DNAH8: variants seen among roughly 807,000 people sequenced by gnomAD.
DNAH8 encodes dynein axonemal heavy chain 8, also known as axonemal beta dynein heavy chain 8.
DNAH8 carries 382 observed loss-of-function variants against 562.1 expected under a neutral mutation model. The ratio of observed to expected loss-of-function variants is 0.68; its 90% CI spans 0.63 to 0.74. DNAH8 has a LOEUF of 0.74. Among genes scored for constraint, DNAH8 ranks in the 30% least tolerant of loss-of-function variants. DNAH8 has a pLI of 0.00. For missense variants in DNAH8, 5,203 were observed against 5,620.4 expected (o/e 0.93, Z 2.37); for synonymous variants, 1,881 against 1,919.4 (o/e 0.98, Z 0.52).
chr6:38,779,847 C>A, intron 14 of DNAH8, 119 bp from the exon 15 acceptor site: 1 of 988,092 alleles, frequency 1.0e-6, no homozygotes, highest in Non-Finnish European at 1.5e-6. Context: ...TGTCCTAGGA[C>A]AACGAATGAG....
At chr6:39,018,253 T>A (rs1424980776) in intron 91 of DNAH8, among the ~76,000 whole-genome samples, 1 of 152,220 alleles carries the variant, frequency 6.6e-6, no homozygotes, top group Non-Finnish European at 1.5e-5. Flanking sequence ...GTGTTTACCT[T>A]CCTTAGCAAC....
At chr6:38,858,914 T>C (rs1348633467) in intron 42 of DNAH8, among the ~76,000 whole-genome samples, 1 of 152,214 alleles carries the variant, frequency 6.6e-6, no homozygotes, top group African/African-American at 2.4e-5. Context: ...CTCCTAAAAC[T>C]GAAGTCCTGT....
chr6:38,890,955 G>A (rs547021689), intron 58 of DNAH8, among the ~76,000 whole-genome samples, 194 bp downstream of exon 58: 3 of 152,196 alleles, frequency 2.0e-5, no homozygotes, highest in Non-Finnish European at 4.4e-5. Flanking sequence ...GATGCTTTCC[G>A]TATGTATGAG....
intron 62 of DNAH8, among the ~76,000 whole-genome samples, chr6:38,904,284 T>C (rs1561841850): frequency 6.6e-6 from 1 of 152,082 alleles, no homozygotes; most frequent in Non-Finnish European, 1.5e-5. Flanking sequence ...GTTCTGGAGA[T>C]AGCAATATAG....
chr6:38,996,534 A>G (rs1409205735), intron 88 of DNAH8, among the ~76,000 whole-genome samples: 1 of 152,182 alleles, frequency 6.6e-6, no homozygotes, highest in African/African-American at 2.4e-5. Flanking sequence ...AGAATAAAAG[A>G]CAAGCTCTCT....
chr6:38,904,858 G>A (rs1414441186), intron 62 of DNAH8, among the ~76,000 whole-genome samples: 1 of 151,294 alleles, frequency 6.6e-6, no homozygotes, highest in Non-Finnish European at 1.5e-5. Context: ...CAACTGATAT[G>A]CATGACGACA....
chr6:38,813,527 G>A (rs1188335466), intron 24 of DNAH8, among the ~76,000 whole-genome samples: 1 of 152,100 alleles, frequency 6.6e-6, no homozygotes, highest in Non-Finnish European at 1.5e-5. Flanking sequence ...CTGGGATAGG[G>A]GTGGAGGTTA....
At chr6:38,845,285 CA>C (rs1775193661) in intron 35 of DNAH8, among the ~76,000 whole-genome samples, 3 of 152,038 alleles carry the variant, frequency 2.0e-5, no homozygotes, top group Admixed American at 2.0e-4. Flanking sequence ...CCATTTTAGC[CA>C]AAAGTTCGAA....
intron 9 of DNAH8, among the ~76,000 whole-genome samples, chr6:38,751,501 C>G (rs888686059): frequency 1.3e-5 from 2 of 152,020 alleles, no homozygotes; most frequent in Non-Finnish European, 2.9e-5. Flanking sequence ...AGATATTTCC[C>G]CATTTACAGA....
intron 43 of DNAH8, among the ~76,000 whole-genome samples, chr6:38,861,274 C>A (rs1333888821): frequency 1.3e-5 from 2 of 152,156 alleles, no homozygotes; most frequent in Non-Finnish European, 2.9e-5. Context: ...TTGAACCTAT[C>A]CCTTTTATAT....
intron 33 of DNAH8, among the ~76,000 whole-genome samples, chr6:38,839,355 GT>G (rs35153263): frequency 1.1e-4 from 16 of 143,138 alleles, no homozygotes; most frequent in East Asian, 5.6e-4. Context: ...AAGCTTTGAA[GT>G]TTTTTTTTTG....
In DNAH8 at chr6:38,715,960, A is replaced by ATT. The variant is rs869120118; in HGVS notation, c.-35+560_-35+561dup. Among the ~76,000 whole-genome samples, 12 of 23,624 alleles carry ATT rather than the reference A, an allele frequency of 5.1e-4. 4 individuals carry two copies. The highest frequency in any genetic ancestry group is 7.2e-4 in the African/African-American group (2 of 2,776). 15.5% of individuals were successfully genotyped at this position (23,624 alleles called of 152,430 possible). On this transcript the variant is annotated intron_variant, in intron 1 of 92. Transcript: ENST00000327475. ...TATATATATATATATATATATATAT[A>ATT]TTTTTTTTTTTTTTTTGAGACGGAG... is the stretch of plus-strand genomic sequence containing the variant.
In DNAH8 at chr6:38,957,970, A is replaced by G. The variant is rs145878665; in HGVS notation, c.12451+6450A>G. Among the ~76,000 whole-genome samples, 53 of 152,160 alleles carry G rather than the reference A, an allele frequency of 3.5e-4. No homozygotes were observed. The East Asian group carries it at 9.8e-3, about 28-fold the overall frequency. ...TCAACTCAAAATTTGAAGGAAAGAAATAATAAAGATCAGAGTAGAAATAAA... is the reference window on the plus strand; with the variant it reads ...TCAACTCAAAATTTGAAGGAAAGAAGTAATAAAGATCAGAGTAGAAATAAA... On this transcript the variant is annotated intron_variant, in intron 82 of 92. Coordinates refer to ENST00000327475, the MANE Select transcript of DNAH8 (RefSeq NM_001206927.2).
At position 38,742,923 on chromosome 6, in the gene DNAH8, AC is replaced by A. The variant is rs535568692; in HGVS notation, c.1293+1040del. Reference sequence around the variant, plus strand: ...TAATATTTTTCAACTTCCCTTCCCCACCCCTGATAGTATATCTTGGAGAGTT... The same window carrying A: ...TAATATTTTTCAACTTCCCTTCCCCACCCTGATAGTATATCTTGGAGAGTT... On this transcript the variant is annotated intron_variant, in intron 8 of 92. Transcript: ENST00000327475. Among the ~76,000 whole-genome samples the A allele has an allele frequency of 2.8e-3, 393 of 140,766 alleles. 4 individuals carry two copies. Among genetic ancestry groups the A allele is most frequent in the African/African-American group, 0.01 (383 of 37,376 alleles). 92.3% of individuals were successfully genotyped at this position (140,766 alleles called of 152,430 possible). A position where few individuals can be genotyped will look rare whatever the true frequency, so the allele number is the denominator to read the frequency against.
chr6:38,734,737 C>A, intron 5 of DNAH8, 112 bp downstream of exon 5: 1 of 1,169,662 alleles, frequency 8.5e-7, no homozygotes, highest in Non-Finnish European at 1.2e-6. Context: ...AATTGAGTTC[C>A]AAGAAAATAA....
chr6:38,843,649 G>A (rs1441663835), intron 35 of DNAH8, among the ~76,000 whole-genome samples: 1 of 152,026 alleles, frequency 6.6e-6, no homozygotes, highest in East Asian at 1.9e-4. Flanking sequence ...ACATAAAGAT[G>A]TTTTCAGATT....
At position 38,860,438 on chromosome 6, in the gene DNAH8, T is replaced by C. The variant is rs779628398; in HGVS notation, c.5959-19T>C. ...ATTGCAATTCAGTATATAATTTTTT[T>C]GTATTTTATGTTTTTAAGGTAAAAA... On this transcript the variant is annotated intron_variant, in intron 42 of 92. Coordinates refer to ENST00000327475, the MANE Select transcript of DNAH8 (RefSeq NM_001206927.2). 1 of 1,363,942 alleles carries C rather than the reference T, an allele frequency of 7.3e-7. No individual in the cohort carries two copies. Among genetic ancestry groups the C allele is most frequent in the East Asian group, 2.7e-5 (1 of 36,710 alleles). The allele number at this position is 1,363,942 out of a possible 1,614,324, so 84.5% of individuals were successfully genotyped here. A position where few individuals can be genotyped will look rare whatever the true frequency, so the allele number is the denominator to read the frequency against.
chr6:38,803,458 C>G, intron 22 of DNAH8, 147 bp downstream of exon 22: 1 of 561,854 alleles, frequency 1.8e-6, no homozygotes, highest in Non-Finnish European at 3.1e-6. Context: ...TTGTTTGTAC[C>G]AACAGTTTAA....
intron 81 of DNAH8, among the ~76,000 whole-genome samples, chr6:38,949,905 G>A (rs773692188): frequency 6.6e-6 from 1 of 152,046 alleles, no homozygotes; most frequent in Non-Finnish European, 1.5e-5. Context: ...ACCATTGAGT[G>A]TAAATCAGTT....
Sources: gnomAD v4.1 joint callset for allele counts (sites outside exome capture counted in the v4.1 genomes callset) on GRCh38, gnomAD v4.1.1 for gene constraint, MANE v1.5 for transcripts, NCBI Gene and HGNC (gene_info 2026-07-23, HGNC 2026-07-21) for gene names.